CADM2: variants seen among roughly 807,000 people sequenced by gnomAD.
CADM2 encodes immunoglobulin superfamily member 4D.
A neutral mutation model predicts 49.8 loss-of-function variants in CADM2; 12 were observed. The observed-to-expected ratio is 0.24, with a 90% CI of 0.15 to 0.39. The LOEUF is 0.39. Ranked by LOEUF, CADM2 falls within the 10% of genes least tolerant of loss-of-function variation. The probability of loss-of-function intolerance (pLI) is 1.00; values close to 1 mark genes in which losing one functional copy is unlikely to be tolerated. For synonymous variants in CADM2, 214 were observed against 175.4 expected, an observed-to-expected ratio of 1.22 and a Z score of -1.74; for missense variants, 378 against 492.3, an observed-to-expected ratio of 0.77 and a Z score of 2.20.
At chr3:85,563,423 A>C (rs921310694) in intron 1 of CADM2, among the ~76,000 whole-genome samples, 1 of 141,028 alleles carries the variant, frequency 7.1e-6, no homozygotes, top group Admixed American at 7.4e-5. Context: ...GGGGGGTGGT[A>C]ATTTAGCTAA....
At chr3:85,944,080 C>A (rs573474559) in intron 7 of CADM2, among the ~76,000 whole-genome samples, 1 of 152,064 alleles carries the variant, frequency 6.6e-6, no homozygotes, top group East Asian at 1.9e-4. Flanking sequence ...GGAGGAAGAT[C>A]TACCAAGCAA....
rs992188963 is a variant in CADM2, at chr3:85,967,068, C to G, written c.970+5421C>G. Among the ~76,000 whole-genome samples, 15 of 151,750 alleles carry G rather than the reference C, an allele frequency of 9.9e-5. No individual in the cohort carries two copies. The Middle Eastern group carries it at 0.01, about 103-fold the overall frequency. On this transcript the variant is annotated intron_variant, in intron 8 of 9. Coordinates refer to ENST00000383699, the MANE Select transcript of CADM2 (RefSeq NM_001167675.2). Reference sequence around the variant, plus strand: ...ATAAGATTGCTACTTTCATTTCACTCAGCTTTTATTGTTAATAATAAATGT... The same window carrying G: ...ATAAGATTGCTACTTTCATTTCACTGAGCTTTTATTGTTAATAATAAATGT...
At chr3:85,399,763 T>A (rs2035000261) in intron 1 of CADM2, among the ~76,000 whole-genome samples, 1 of 152,208 alleles carries the variant, frequency 6.6e-6, no homozygotes. Context: ...TCACTCATGA[T>A]TTGGCTCTCT....
At chr3:85,805,107 AT>A (rs1343251959) in intron 3 of CADM2, among the ~76,000 whole-genome samples, 2 of 151,584 alleles carry the variant, frequency 1.3e-5, no homozygotes, top group African/African-American at 2.4e-5. Flanking sequence ...TGCCCAGCTA[AT>A]TTTTTTTGTA....
intron 5 of CADM2, among the ~76,000 whole-genome samples, chr3:85,904,818 A>G (rs78666324): frequency 0.044 from 6,675 of 152,198 alleles, 507 homozygotes; most frequent in African/African-American, 0.15. Flanking sequence ...CTTTATGTTT[A>G]TGTATCCTTT....
chr3:85,614,798 G>A (rs543109377), intron 1 of CADM2, among the ~76,000 whole-genome samples: 35 of 151,972 alleles, frequency 2.3e-4, no homozygotes, highest in Non-Finnish European at 4.7e-4. Flanking sequence ...GAAAATTTGT[G>A]TGGATTTGTA....
chr3:84,964,228 A>G (rs949590624), intron 1 of CADM2, among the ~76,000 whole-genome samples: 1 of 152,198 alleles, frequency 6.6e-6, no homozygotes, highest in Non-Finnish European at 1.5e-5. Flanking sequence ...TTTCTTAAAG[A>G]AAAAAATACT....
At chr3:85,406,283 T>C (rs1352431997) in intron 1 of CADM2, among the ~76,000 whole-genome samples, 1 of 152,168 alleles carries the variant, frequency 6.6e-6, no homozygotes, top group Non-Finnish European at 1.5e-5. Flanking sequence ...GGAATTCGTT[T>C]GAAGAATACT....
intron 1 of CADM2, among the ~76,000 whole-genome samples, chr3:85,075,949 A>G (rs554279593): frequency 6.6e-6 from 1 of 152,126 alleles, no homozygotes; most frequent in African/African-American, 2.4e-5. Flanking sequence ...TACTTTAATT[A>G]CCATGATAAT....
At chr3:85,487,233 G>A (rs895195968) in intron 1 of CADM2, among the ~76,000 whole-genome samples, 8 of 152,254 alleles carry the variant, frequency 5.3e-5, no homozygotes, top group African/African-American at 1.4e-4. Flanking sequence ...CAGAAGATAC[G>A]GCTGGGCACA....
intron 5 of CADM2, among the ~76,000 whole-genome samples, chr3:85,909,684 C>T (rs1218374489): frequency 6.6e-6 from 1 of 152,100 alleles, no homozygotes; most frequent in African/African-American, 2.4e-5. Flanking sequence ...GAAGGCTATT[C>T]TTGATCACCA....
intron 1 of CADM2, among the ~76,000 whole-genome samples, chr3:85,276,963 T>C (rs1372644709): frequency 1.3e-5 from 2 of 151,274 alleles, no homozygotes; most frequent in Middle Eastern, 6.3e-3. Flanking sequence ...TATAAATCCT[T>C]TGAAAAAAAT....
chr3:85,250,397 A>G (rs1228266096), intron 1 of CADM2, among the ~76,000 whole-genome samples: 4 of 151,664 alleles, frequency 2.6e-5, no homozygotes, highest in Non-Finnish European at 5.9e-5. Context: ...TTAATATTTT[A>G]TTAAGAAAAC....
intron 1 of CADM2, among the ~76,000 whole-genome samples, chr3:85,453,909 C>A (rs1159791117): frequency 6.6e-6 from 1 of 151,792 alleles, no homozygotes; most frequent in Non-Finnish European, 1.5e-5. Flanking sequence ...GTAGTACAGT[C>A]ATAAAAATTA....
intron 2 of CADM2, among the ~76,000 whole-genome samples, chr3:85,731,962 A>G (rs1210334995): frequency 6.6e-6 from 1 of 151,850 alleles, no homozygotes; most frequent in African/African-American, 2.4e-5. Flanking sequence ...TAATTTTAAA[A>G]GTGGGCCGGG....
intron 1 of CADM2, among the ~76,000 whole-genome samples, chr3:85,381,688 C>T (rs1257757126): frequency 2.0e-5 from 3 of 151,562 alleles, no homozygotes; most frequent in Admixed American, 6.6e-5. Context: ...AGTTTATACA[C>T]TATCCACCTC....
intron 1 of CADM2, among the ~76,000 whole-genome samples, chr3:85,016,507 T>C (rs900521942): frequency 6.6e-6 from 1 of 152,100 alleles, no homozygotes; most frequent in African/African-American, 2.4e-5. Flanking sequence ...CAAGAAAAAC[T>C]TGGTGCTGGG....
At chr3:85,552,722 G>A (rs2107127942) in intron 1 of CADM2, among the ~76,000 whole-genome samples, 1 of 151,376 alleles carries the variant, frequency 6.6e-6, no homozygotes, top group African/African-American at 2.4e-5. Context: ...TGTCGCCCAG[G>A]CTGGAATGCA....
chr3:85,388,837 T>C (rs1489287861), intron 1 of CADM2, among the ~76,000 whole-genome samples: 1 of 151,724 alleles, frequency 6.6e-6, no homozygotes, highest in Non-Finnish European at 1.5e-5. Flanking sequence ...TTTTGAAAGG[T>C]ATGAAGTAAT....
Sources: allele counts gnomAD v4.1 joint callset (sites outside exome capture counted in the v4.1 genomes callset), GRCh38; gene constraint gnomAD v4.1.1; transcripts MANE v1.5; gene names NCBI Gene and HGNC (gene_info 2026-07-23, HGNC 2026-07-21).